The following ODR4 variants were observed in gnomAD, a reference collection of about 807,000 sequenced individuals.
ODR4 encodes the protein protein odr-4 homolog.
In ODR4, 47 loss-of-function variants were observed where a neutral mutation model predicts 60.2. The ratio of observed to expected loss-of-function variants is 0.78; its 90% CI spans 0.62 to 1.00. ODR4 has a LOEUF of 1.00. ODR4 is among the 50% of genes least tolerant of loss of function. ODR4 has a pLI of 0.00. For synonymous variants in ODR4, 178 were observed against 175.5 expected, an observed-to-expected ratio of 1.01 and a Z score of -0.11; for missense variants, 488 against 530.8, an observed-to-expected ratio of 0.92 and a Z score of 0.79.
chr1:186,407,784 C>G (rs1276544640), intron 12 of ODR4, among the ~76,000 whole-genome samples: 2 of 152,028 alleles, frequency 1.3e-5, no homozygotes, highest in Non-Finnish European at 2.9e-5. Flanking sequence ...GTTTCCAGAC[C>G]ACATTTTTTT....
At chr1:186,414,711 G>A (rs975589638) in intron 12 of ODR4, among the ~76,000 whole-genome samples, 4 of 151,840 alleles carry the variant, frequency 2.6e-5, no homozygotes, top group Non-Finnish European at 5.9e-5. Context: ...TAGTAGAGAC[G>A]GGGTTTCACC....
chr1:186,432,004 T>A, the ODR4 span, among the ~76,000 whole-genome samples: 1 of 152,138 alleles, frequency 6.6e-6, no homozygotes, highest in African/African-American at 2.4e-5. Context: ...TTCATAGTTT[T>A]TGAGGATGTT....
chr1:186,422,333 T>C (rs1325626463), downstream of ODR4, among the ~76,000 whole-genome samples: 1 of 152,110 alleles, frequency 6.6e-6, no homozygotes, highest in Non-Finnish European at 1.5e-5. Flanking sequence ...CCAAAATGTA[T>C]GAACTGAAGC....
chr1:186,398,590 T>C, intron 10 of ODR4, 149 bp downstream of exon 10: 1 of 809,730 alleles, frequency 1.2e-6, no homozygotes, highest in Non-Finnish European at 1.8e-6. Flanking sequence ...ACCATATAAT[T>C]GGTGTGAAGA....
downstream of ODR4, among the ~76,000 whole-genome samples, chr1:186,423,515 C>T (rs909382622): frequency 2.5e-5 from 3 of 121,302 alleles, no homozygotes; most frequent in Admixed American, 2.3e-4. Context: ...AGTGCAGTTG[C>T]GTGATCTCGG....
At chr1:186,398,584 T>C (rs1660789606) in intron 10 of ODR4, 143 bp downstream of exon 10, 3 of 824,628 alleles carry the variant, frequency 3.6e-6, no homozygotes, top group Non-Finnish European at 3.5e-6. Context: ...AAATGTACCA[T>C]ATAATTGGTG....
At chr1:186,434,856 G>T in the ODR4 span, among the ~76,000 whole-genome samples, 2 of 151,988 alleles carry the variant, frequency 1.3e-5, no homozygotes, top group Admixed American at 1.3e-4. Context: ...CCCTGTAGGG[G>T]AAATAATTGT....
chr1:186,413,095 T>C (rs1279571765), intron 12 of ODR4, among the ~76,000 whole-genome samples: 2 of 152,102 alleles, frequency 1.3e-5, no homozygotes, highest in African/African-American at 4.8e-5. Flanking sequence ...CTTTGTCTTC[T>C]AAGTATTTAA....
intron 12 of ODR4, among the ~76,000 whole-genome samples, chr1:186,412,592 T>C (rs1176936311): frequency 6.6e-6 from 1 of 152,106 alleles, no homozygotes; most frequent in African/African-American, 2.4e-5. Flanking sequence ...AATAGAAAAA[T>C]TAAGTGCTTT....
chr1:186,400,251 A>G (rs1042803668), intron 11 of ODR4, among the ~76,000 whole-genome samples: 2 of 149,902 alleles, frequency 1.3e-5, no homozygotes, highest in Non-Finnish European at 3.0e-5. Context: ...CGGCCTCCCA[A>G]AGTGCTGGGA....
At chr1:186,431,477 A>T in the ODR4 span, among the ~76,000 whole-genome samples, 55 of 152,294 alleles carry the variant, frequency 3.6e-4, no homozygotes, top group East Asian at 0.01. Context: ...AGTTGAAATT[A>T]AAAAAGGTCA....
rs1238399712 is a variant in ODR4, at chr1:186,406,273, T to G, written c.1186+5T>G. On this transcript the variant is annotated splice_donor_5th_base_variant and intron_variant, in intron 12 of 13. Transcript: ENST00000287859. ...TTGCAGAGGAAACAAACACAGGTCA[T>G]TATATGATGCTATTTAAGAACCTGG... The G allele has an allele frequency of 6.3e-7, 1 of 1,579,536 alleles. No individual in the cohort carries two copies. Among genetic ancestry groups the G allele is most frequent in the African/African-American group, 1.4e-5 (1 of 73,536 alleles).
intron 12 of ODR4, among the ~76,000 whole-genome samples, chr1:186,415,016 A>G (rs1244158049): frequency 1.3e-5 from 2 of 152,134 alleles, no homozygotes; most frequent in African/African-American, 4.8e-5. Context: ...AACTGGAAAT[A>G]TAGAAGACTA....
rs758799674 is a variant in ODR4, at chr1:186,379,895, T to G, written c.99+11T>G. 1 of 1,428,458 alleles carries G rather than the reference T, an allele frequency of 7.0e-7. No homozygotes were observed. The allele number at this position is 1,428,458 out of a possible 1,614,324, so 88.5% of individuals were successfully genotyped here. ...CTTTTAATAGGACAGGTATGTATCT[T>G]TTACTCTGCATTTATAACTAAATAA... On this transcript the variant is annotated intron_variant, in intron 2 of 13. Transcript: ENST00000287859.
chr1:186,413,352 G>T (rs1334609362), intron 12 of ODR4, among the ~76,000 whole-genome samples: 1 of 151,868 alleles, frequency 6.6e-6, no homozygotes, highest in African/African-American at 2.4e-5. Context: ...ACTTATTTCT[G>T]TTCTATAGTA....
intron 9 of ODR4, among the ~76,000 whole-genome samples, chr1:186,395,076 G>T (rs918772641): frequency 6.6e-6 from 1 of 152,144 alleles, no homozygotes; most frequent in African/African-American, 2.4e-5. Flanking sequence ...AATCTCATGA[G>T]ATAATTTATT....
In ODR4 at chr1:186,417,455, C is replaced by T. The variant is rs569587950; in HGVS notation, c.1187-89C>T. The T allele has an allele frequency of 2.9e-4, 209 of 728,468 alleles. 4 individuals are homozygous for T. The South Asian group carries it at 3.2e-3, about 11-fold the overall frequency. The allele number at this position is 728,468 out of a possible 1,614,324, so 45.1% of individuals were successfully genotyped here. A position where few individuals can be genotyped will look rare whatever the true frequency, so the allele number is the denominator to read the frequency against. ...CAAGTAGAAAGAAAATGGTGATGAT[C>T]GTATAGTTTTTTATAATGTTCTTTA... On this transcript the variant is annotated intron_variant, in intron 12 of 13. Coordinates refer to ENST00000287859, the MANE Select transcript of ODR4 (RefSeq NM_017847.6).
intron 1 of ODR4, among the ~76,000 whole-genome samples, chr1:186,377,185 T>C (rs1659814552): frequency 6.6e-6 from 1 of 152,206 alleles, no homozygotes; most frequent in Non-Finnish European, 1.5e-5. Context: ...TTATATTGTT[T>C]AGGGAATAGT....
chr1:186,397,087 A>G (rs1222959174), intron 9 of ODR4, among the ~76,000 whole-genome samples: 1 of 152,026 alleles, frequency 6.6e-6, no homozygotes, highest in African/African-American at 2.4e-5. Flanking sequence ...TCTGTGGCAA[A>G]TTTTTTGTCA....
Sources: allele counts gnomAD v4.1 joint callset (sites outside exome capture counted in the v4.1 genomes callset), GRCh38; gene constraint gnomAD v4.1.1; transcripts MANE v1.5; gene names NCBI Gene and HGNC (gene_info 2026-07-23, HGNC 2026-07-21).